Variants in TXNRD2 observed in about 807,000 individuals in gnomAD.
The protein encoded by TXNRD2 is thioredoxin reductase 2.
TXNRD2 carries 67 observed loss-of-function variants against 70.8 expected under a neutral mutation model. That is an observed-to-expected ratio of 0.95 (90% CI 0.78 to 1.16). TXNRD2 has a LOEUF of 1.16. Ranked by LOEUF, TXNRD2 falls within the 50% of genes most tolerant of loss-of-function variation. The pLI, the probability that TXNRD2 is intolerant of heterozygous loss-of-function variation, is 0.00. For missense variants in TXNRD2, 644 were observed against 719.9 expected (o/e 0.89, Z 1.21); for synonymous variants, 301 against 295.8 (o/e 1.02, Z -0.18).
chr22:19,898,014 C>T (rs1378598458), intron 10 of TXNRD2, 25 bp downstream of exon 10: 8 of 1,543,640 alleles, frequency 5.2e-6, no homozygotes, highest in East Asian at 4.9e-5. Flanking sequence ...GCCACAGGGG[C>T]GGGAGCTGGG....
chr22:19,898,576 A>G (rs1195001496), intron 9 of TXNRD2, among the ~76,000 whole-genome samples: 1 of 132,752 alleles, frequency 7.5e-6, no homozygotes, highest in Admixed American at 9.2e-5. Context: ...GTGCAGTGGC[A>G]TGATCTCAGC....
intron 11 of TXNRD2, among the ~76,000 whole-genome samples, chr22:19,892,837 G>A (rs1939327255): frequency 6.6e-6 from 1 of 152,198 alleles, no homozygotes; most frequent in South Asian, 2.1e-4. Flanking sequence ...GTGGAGTTTA[G>A]GATGAGAACC....
At chr22:19,928,804 C>G (rs747612231) in intron 2 of TXNRD2, among the ~76,000 whole-genome samples, 12 of 151,224 alleles carry the variant, frequency 7.9e-5, no homozygotes, top group Non-Finnish European at 8.8e-5. Context: ...GCCAGAAGTT[C>G]GAGACCAGCT....
At chr22:19,908,823 T>C (rs961114741) in intron 8 of TXNRD2, among the ~76,000 whole-genome samples, 4 of 152,186 alleles carry the variant, frequency 2.6e-5, no homozygotes, top group Non-Finnish European at 5.9e-5. Context: ...AGATACAACA[T>C]GGATGAAAAG....
intron 3 of TXNRD2, 43 bp from the exon 4 acceptor site, chr22:19,919,047 C>T: frequency 6.3e-7 from 1 of 1,589,264 alleles, no homozygotes; most frequent in Non-Finnish European, 8.5e-7. Context: ...GTTCAGGTGA[C>T]TGCTGGAGGC....
chr22:19,925,232 T>G (rs533537800), intron 2 of TXNRD2, among the ~76,000 whole-genome samples: 2 of 151,754 alleles, frequency 1.3e-5, no homozygotes, highest in Admixed American at 6.6e-5. Flanking sequence ...TGCAGTGAGC[T>G]GAGATCGCAC....
At chr22:19,897,892 G>A (rs188791902) in intron 10 of TXNRD2, 147 bp downstream of exon 10, 3 of 699,374 alleles carry the variant, frequency 4.3e-6, no homozygotes, top group Admixed American at 5.0e-5. Flanking sequence ...CATATTTCCT[G>A]GACAACCTCC....
At chr22:19,931,448 C>T (rs1271291864) in intron 1 of TXNRD2, among the ~76,000 whole-genome samples, 2 of 152,102 alleles carry the variant, frequency 1.3e-5, no homozygotes, top group South Asian at 2.1e-4. Flanking sequence ...CTCTGTCACC[C>T]AGAAGATTGT....
intron 11 of TXNRD2, chr22:19,888,105 C>A (rs1327975956): frequency 6.6e-6 from 1 of 152,316 alleles, no homozygotes; most frequent in Non-Finnish European, 1.5e-5. Context: ...ACTCAGGAAG[C>A]ACTGGGCTGA....
chr22:19,924,816 T>C (rs1941058331), intron 2 of TXNRD2, among the ~76,000 whole-genome samples: 1 of 151,592 alleles, frequency 6.6e-6, no homozygotes, highest in Non-Finnish European at 1.5e-5. Flanking sequence ...GAATTAAAAG[T>C]CCCCACATGT....
chr22:19,886,010 G>A (rs150489418), intron 11 of TXNRD2, among the ~76,000 whole-genome samples: 108 of 152,400 alleles, frequency 7.1e-4, no homozygotes, highest in African/African-American at 2.5e-3. Context: ...ATGTAATGGA[G>A]CCACTAATGT....
intron 8 of TXNRD2, among the ~76,000 whole-genome samples, chr22:19,900,511 G>A (rs575957602): frequency 1.3e-5 from 2 of 152,314 alleles, no homozygotes; most frequent in East Asian, 3.9e-4. Context: ...AGCACTTTGG[G>A]AGGCCGAAGC....
At chr22:19,920,642 T>C (rs1192459536) in intron 2 of TXNRD2, among the ~76,000 whole-genome samples, 2 of 151,804 alleles carry the variant, frequency 1.3e-5, no homozygotes, top group African/African-American at 4.8e-5. Flanking sequence ...CAAGCTTCCA[T>C]TTGCCCGGGC....
At chr22:19,903,818 T>G (rs2145992814) in intron 8 of TXNRD2, among the ~76,000 whole-genome samples, 1 of 152,302 alleles carries the variant, frequency 6.6e-6, no homozygotes, top group South Asian at 2.1e-4. Context: ...AAGGTTTGGT[T>G]TGCAAGGCTG....
In TXNRD2 at chr22:19,880,731, C is replaced by T; in HGVS notation, c.1087-14G>A. The T allele has an allele frequency of 1.3e-6, 2 of 1,596,370 alleles. No individual in the cohort carries two copies. Among genetic ancestry groups the T allele is most frequent in the South Asian group, 1.1e-5 (1 of 90,790 alleles). On this transcript the variant is annotated splice_polypyrimidine_tract_variant and intron_variant, in intron 12 of 17. Coordinates refer to ENST00000400521, the MANE Select transcript of TXNRD2 (RefSeq NM_006440.5). ...CTCAGGCCGCCCCTTGGGGAAGGCACAGGGGGGCCACGTCAGCACCATGTC... is the reference window on the plus strand; with the variant it reads ...CTCAGGCCGCCCCTTGGGGAAGGCATAGGGGGGCCACGTCAGCACCATGTC...
intron 10 of TXNRD2, among the ~76,000 whole-genome samples, chr22:19,896,420 C>T (rs1343087656): frequency 6.6e-6 from 1 of 152,212 alleles, no homozygotes; most frequent in Non-Finnish European, 1.5e-5. Flanking sequence ...AGAAGCGTGC[C>T]TTCCCCCAGG....
intron 16 of TXNRD2, 26 bp downstream of exon 16, chr22:19,878,064 C>T (rs771769183): frequency 1.3e-5 from 21 of 1,592,236 alleles, no homozygotes; most frequent in South Asian, 1.0e-4. Context: ...CACATCGCAT[C>T]GCAGCCTGCA....
intron 7 of TXNRD2, among the ~76,000 whole-genome samples, chr22:19,913,037 G>C (rs1940483722): frequency 1.3e-5 from 2 of 152,278 alleles, no homozygotes; most frequent in Non-Finnish European, 2.9e-5. Context: ...ACGGTTCCCT[G>C]GGAGACCCGT....
chr22:19,932,470 G>A lies in TXNRD2; in HGVS notation c.104-1372C>T, dbSNP rs181818119. ...TACTGGCGAGGAAGGCAGGCAAGGG[G>A]CAGCCAAAAAAGGGAGGGATGGAGA... is the stretch of plus-strand genomic sequence containing the variant. On this transcript the variant is annotated intron_variant, in intron 1 of 17. Transcript: ENST00000400521. 3.7e-6 allele frequency: 6 copies of A among 1,600,656 alleles called. No individual in the cohort carries two copies. The Admixed American group carries it at 8.4e-5, about 22-fold the overall frequency.
Sources: allele counts gnomAD v4.1 joint callset (sites outside exome capture counted in the v4.1 genomes callset), GRCh38; gene constraint gnomAD v4.1.1; transcripts MANE v1.5; gene names NCBI Gene and HGNC (gene_info 2026-07-23, HGNC 2026-07-21).